The following SLC35E1 variants were observed in gnomAD, a reference collection of about 807,000 sequenced individuals.
SLC35E1 encodes the protein solute carrier family 35, member E1.
Under a neutral mutation model 31.0 loss-of-function variants are expected in SLC35E1, and 12 were observed. The observed-to-expected ratio is 0.39, with a 90% CI of 0.25 to 0.63. The LOEUF (loss-of-function observed/expected upper bound fraction) is 0.63. SLC35E1 is among the 20% of genes least tolerant of loss of function. The probability of loss-of-function intolerance (pLI) is 0.52; values close to 1 mark genes in which losing one functional copy is unlikely to be tolerated. For missense variants in SLC35E1, 429 were observed against 572.2 expected (o/e 0.75, Z 2.55); for synonymous variants, 257 against 264.1 (o/e 0.97, Z 0.26).
At chr19:16,568,383 C>T (rs2085942222) in intron 2 of SLC35E1, among the ~76,000 whole-genome samples, 1 of 152,170 alleles carries the variant, frequency 6.6e-6, no homozygotes, top group Admixed American at 6.5e-5. Context: ...TGTGGGTAGC[C>T]CCATCCCCAT....
chr19:16,570,739 G>A (rs764262173), intron 2 of SLC35E1, among the ~76,000 whole-genome samples: 13 of 152,264 alleles, frequency 8.5e-5, no homozygotes, highest in African/African-American at 2.9e-4. Context: ...TGCCAAGATC[G>A]AACTCCTTGG....
chr19:16,566,834 T>C (rs1420446359), intron 3 of SLC35E1, among the ~76,000 whole-genome samples, 177 bp from the exon 4 acceptor site: 1 of 152,212 alleles, frequency 6.6e-6, no homozygotes, highest in Non-Finnish European at 1.5e-5. Context: ...ACAAGCACCA[T>C]GCTCCACGCA....
intron 4 of SLC35E1, among the ~76,000 whole-genome samples, chr19:16,560,570 C>A (rs1439973623): frequency 1.3e-5 from 2 of 152,026 alleles, no homozygotes; most frequent in South Asian, 2.1e-4. Context: ...TAGAAAAAAA[C>A]CTAACAGACA....
chr19:16,558,747 C>T (rs969268244), intron 4 of SLC35E1, among the ~76,000 whole-genome samples: 4 of 151,524 alleles, frequency 2.6e-5, no homozygotes, highest in Non-Finnish European at 5.9e-5. Context: ...ACCTCCATTC[C>T]GCTTTTCAGT....
chr19:16,566,138 C>T (rs2085931302), intron 4 of SLC35E1: 1 of 159,814 alleles, frequency 6.3e-6, no homozygotes, highest in African/African-American at 2.4e-5. Context: ...TGTGCCACTG[C>T]ACTCCAGCCC....
chr19:16,572,373 AGCGGCCG>A lies in SLC35E1; in HGVS notation c.-16_-10del. ...ACCGCGGCCGCCGCCATCCTGCCCG[AGCGGCCG>A]CCCCTTCCAGCCCGTCCGACGGCCC... is the stretch of plus-strand genomic sequence containing the variant. On this transcript the variant is annotated 5_prime_UTR_variant, in exon 1 of 6. Coordinates refer to ENST00000595753, the MANE Select transcript of SLC35E1 (RefSeq NM_024881.5). The surrounding 1 kb of genome is among the most constrained non-coding windows in gnomAD (Gnocchi z 4.1). The A allele has an allele frequency of 2.6e-5, 26 of 1,002,616 alleles. No homozygotes were observed. Among genetic ancestry groups the A allele is most frequent in the Non-Finnish European group, 3.1e-5 (26 of 841,646 alleles). 62.1% of individuals were successfully genotyped at this position (1,002,616 alleles called of 1,614,324 possible). A position where few individuals can be genotyped will look rare whatever the true frequency, so the allele number is the denominator to read the frequency against.
chr19:16,567,433 G>C (rs750837598), intron 3 of SLC35E1, among the ~76,000 whole-genome samples: 1 of 152,198 alleles, frequency 6.6e-6, no homozygotes, highest in African/African-American at 2.4e-5. Flanking sequence ...CTTGAGCTTC[G>C]AAGACTGAGG....
chr19:16,570,130 C>G (rs1418230063), intron 2 of SLC35E1, among the ~76,000 whole-genome samples: 1 of 152,220 alleles, frequency 6.6e-6, no homozygotes, highest in Non-Finnish European at 1.5e-5. Flanking sequence ...CCCAGTCTTT[C>G]CTCACTGTGT....
chr19:16,569,371 T>C (rs979161163), intron 2 of SLC35E1, among the ~76,000 whole-genome samples: 1 of 150,594 alleles, frequency 6.6e-6, no homozygotes, highest in African/African-American at 2.5e-5. Context: ...TAGTGTACCT[T>C]AGAGCAGGTC....
chr19:16,571,164 G>C (rs998404577), intron 2 of SLC35E1, among the ~76,000 whole-genome samples: 2 of 151,908 alleles, frequency 1.3e-5, no homozygotes, highest in Non-Finnish European at 2.9e-5. Flanking sequence ...AGTCCCACTG[G>C]AAAGGCCACA....
intron 4 of SLC35E1, among the ~76,000 whole-genome samples, chr19:16,563,138 T>C (rs1023078006): frequency 6.6e-6 from 1 of 151,914 alleles, no homozygotes; most frequent in African/African-American, 2.4e-5. Flanking sequence ...CTGGCCAAAA[T>C]GGAGAAACCC....
intron 4 of SLC35E1, among the ~76,000 whole-genome samples, chr19:16,560,510 G>A (rs985413403): frequency 6.6e-6 from 1 of 152,100 alleles, no homozygotes; most frequent in Non-Finnish European, 1.5e-5. Flanking sequence ...TGCCACCAAC[G>A]TAGGATTGTC....
chr19:16,560,456 T>C (rs2122332898), intron 4 of SLC35E1, among the ~76,000 whole-genome samples: 1 of 151,590 alleles, frequency 6.6e-6, no homozygotes, highest in South Asian at 2.1e-4. Flanking sequence ...AGAGGAAGAG[T>C]CGCCCTTCTC....
chr19:16,565,215 CTTT>C (rs1000361243), intron 4 of SLC35E1: 86 of 357,940 alleles, frequency 2.4e-4, no homozygotes, highest in South Asian at 6.3e-4. Flanking sequence ...TTCTTTCTTT[CTTT>C]TTTTTTTTTG....
Position 16,551,788 on chromosome 19 carries a change from TCTGTCACCAAGG to T in SLC35E1, c.*1879_*1890del, listed in dbSNP as rs1420815389. The T allele has an allele frequency of 2.1e-5, 3 of 140,470 alleles. No homozygotes were observed. In the East Asian group the frequency reaches 6.5e-4, roughly 30 times the overall value. 8.7% of individuals were successfully genotyped at this position (140,470 alleles called of 1,614,324 possible). On this transcript the variant is annotated 3_prime_UTR_variant, in exon 6 of 6. Coordinates refer to ENST00000595753, the MANE Select transcript of SLC35E1 (RefSeq NM_024881.5). ...TTTTTTTTTTGAGACAGAGTCTCAC[TCTGTCACCAAGG>T]CTGGAGTGCAGTGGTGTGATCTCAG...
intron 4 of SLC35E1, chr19:16,564,914 C>T (rs1005552620): frequency 1.6e-5 from 5 of 313,522 alleles, no homozygotes; most frequent in Admixed American, 1.4e-4. Flanking sequence ...AAAAGTGAGC[C>T]ATGGTTTACT....
At chr19:16,570,843 TACCAGC>T (rs1348453714) in intron 2 of SLC35E1, among the ~76,000 whole-genome samples, 1 of 152,164 alleles carries the variant, frequency 6.6e-6, no homozygotes, top group Non-Finnish European at 1.5e-5. Context: ...ACGCCTGTAA[TACCAGC>T]ACTTTGGGAG....
chr19:16,564,450 C>T (rs775904079), intron 4 of SLC35E1, among the ~76,000 whole-genome samples: 5 of 152,090 alleles, frequency 3.3e-5, no homozygotes, highest in South Asian at 2.1e-4. Context: ...GGATTACAGG[C>T]GTGCACCACC....
In SLC35E1 at chr19:16,552,500, A is replaced by C. The variant is rs915981285; in HGVS notation, c.*1179T>G. ...CAGGCACGCGACACCATGCCCGGCT[A>C]ATTTCTGTATTTTTAGTAGAGATGG... On this transcript the variant is annotated 3_prime_UTR_variant, in exon 6 of 6. Transcript: ENST00000595753. The C allele has an allele frequency of 6.6e-6, 1 of 151,876 alleles. No homozygotes were observed. The highest frequency in any genetic ancestry group is 6.6e-5 in the Admixed American group (1 of 15,248). 9.4% of individuals were successfully genotyped at this position (151,876 alleles called of 1,614,324 possible).
Sources: allele counts gnomAD v4.1 joint callset (sites outside exome capture counted in the v4.1 genomes callset), GRCh38; gene constraint gnomAD v4.1.1; non-coding constraint Gnocchi (gnomAD v3.1); transcripts MANE v1.5; gene names NCBI Gene and HGNC (gene_info 2026-07-23, HGNC 2026-07-21).